WNK3: variants seen among roughly 807,000 people sequenced by gnomAD.
WNK3 encodes WNK lysine deficient protein kinase 3.
Under a neutral mutation model 116.7 loss-of-function variants are expected in WNK3, and 18 were observed. The ratio of observed to expected loss-of-function variants is 0.15; its 90% CI spans 0.11 to 0.23. The LOEUF (loss-of-function observed/expected upper bound fraction) is 0.23. WNK3 is among the 10% of genes least tolerant of loss of function. The probability of loss-of-function intolerance (pLI) is 1.00; values close to 1 mark genes in which losing one functional copy is unlikely to be tolerated. For synonymous variants in WNK3, 404 were observed against 469.4 expected (o/e 0.86, Z 1.80); for missense variants, 993 against 1,323.8 (o/e 0.75, Z 3.88).
chrX:54,340,899 T>C (rs1214316310), intron 1 of WNK3, among the ~76,000 whole-genome samples: 1 of 111,888 alleles, frequency 8.9e-6, no homozygotes, highest in African/African-American at 3.2e-5. Flanking sequence ...ACAGCTGCTT[T>C]GGAACACAGT....
chrX:54,356,814 G>C (rs782414509), intron 1 of WNK3, among the ~76,000 whole-genome samples: 4 of 111,035 alleles, frequency 3.6e-5, no homozygotes, highest in African/African-American at 1.3e-4. Context: ...TGAGGGTTCA[G>C]TCTCATTTTA....
At chrX:54,248,723 A>G in exon 17 of WNK3, 1 of 1,211,085 alleles carries the variant, frequency 8.3e-7, no homozygotes, top group Non-Finnish European at 1.1e-6. Flanking sequence ...CTGGGTACAG[A>G]AGTTATCACA....
At chrX:54,343,035 G>A (rs186040670) in intron 1 of WNK3, among the ~76,000 whole-genome samples, 3 of 110,261 alleles carry the variant, frequency 2.7e-5, no homozygotes, top group Admixed American at 1.9e-4. Context: ...TTTTTTTGTA[G>A]AGACAGGGTT....
exon 24 of WNK3, chrX:54,195,283 G>A (rs1399175569): frequency 1.8e-5 from 2 of 111,352 alleles, no homozygotes; most frequent in Non-Finnish European, 3.8e-5. Flanking sequence ...TTACAAGCAG[G>A]ATGGTTAAGT....
intron 10 of WNK3, among the ~76,000 whole-genome samples, chrX:54,279,662 T>C (rs2068492480): frequency 8.9e-6 from 1 of 112,158 alleles, no homozygotes; most frequent in African/African-American, 3.2e-5. Flanking sequence ...ATGTAAAAAC[T>C]GTGAAGAATT....
chrX:54,219,669 C>CAAAAAAA (rs34431672), intron 22 of WNK3, among the ~76,000 whole-genome samples: 1 of 15,189 alleles, frequency 6.6e-5, no homozygotes, highest in Non-Finnish European at 1.4e-4. Flanking sequence ...CTCCATCTCC[C>CAAAAAAA]AAAAAAAAAA....
At chrX:54,276,396 C>T (rs973910790) in intron 10 of WNK3, among the ~76,000 whole-genome samples, 4 of 111,032 alleles carry the variant, frequency 3.6e-5, no homozygotes, top group Admixed American at 1.9e-4. Flanking sequence ...ATACATATAT[C>T]TACAATTATA....
At chrX:54,239,193 G>T in intron 17 of WNK3, 94 bp from the exon 18 acceptor site, 1 of 550,014 alleles carries the variant, frequency 1.8e-6, no homozygotes, top group Non-Finnish European at 2.6e-6. Context: ...TTTAGGTAAG[G>T]TGAAGCTTTT....
chrX:54,333,067 C>A, intron 2 of WNK3, 70 bp downstream of exon 2: 1 of 764,958 alleles, frequency 1.3e-6, no homozygotes, highest in South Asian at 2.8e-5. Flanking sequence ...CATGGATAAT[C>A]ATGAATCACA....
At chrX:54,258,295 A>G (rs1346221939) in intron 11 of WNK3, among the ~76,000 whole-genome samples, 3 of 108,320 alleles carry the variant, frequency 2.8e-5, no homozygotes, top group Non-Finnish European at 5.7e-5. Context: ...AAAAAAAAAA[A>G]AAGAACAAGA....
intron 10 of WNK3, among the ~76,000 whole-genome samples, chrX:54,276,355 A>AC (rs1358876600): frequency 1.8e-5 from 2 of 110,959 alleles, no homozygotes; most frequent in African/African-American, 3.3e-5. Flanking sequence ...AAACAAACAA[A>AC]AAAAAACAAA....
chrX:54,353,701 C>T (rs1293631637), intron 1 of WNK3, among the ~76,000 whole-genome samples: 1 of 107,048 alleles, frequency 9.3e-6, no homozygotes, highest in African/African-American at 3.4e-5. Flanking sequence ...GAGCTGAGAT[C>T]GCACCATTGC....
exon 14 of WNK3, chrX:54,251,618 G>C: frequency 1.7e-6 from 2 of 1,210,711 alleles, no homozygotes; most frequent in Non-Finnish European, 2.2e-6. Context: ...TCCTGGGCTT[G>C]ACCTACAATA....
At chrX:54,236,844 A>C (rs2067966520) in intron 20 of WNK3, 94 bp downstream of exon 20, 1 of 998,509 alleles carries the variant, frequency 1.0e-6, no homozygotes, top group African/African-American at 1.9e-5. Context: ...CAATCATTAA[A>C]ATGTCACCAA....
chrX:54,298,767 C>CCA (rs1285847704), intron 6 of WNK3, among the ~76,000 whole-genome samples: 4 of 112,237 alleles, frequency 3.6e-5, no homozygotes, highest in Non-Finnish European at 7.5e-5. Context: ...TTTCCCTAAG[C>CCA]CACTGGCTTA....
Position 54,198,589 on chromosome X carries a change from G to C in WNK3, c.5138C>G (p.Ala1713Gly), listed in dbSNP as rs140063797. The stretch of plus-strand genomic sequence containing the variant: ...TCCTTGTGGCAAGGAAGTTGGGACA[G>C]CTCCACGGATTTGGGACAGAGAAGA... Residue 1713 changes from alanine (A) to glycine (G), a missense_variant, in exon 24 of 24, where the codon GCT (alanine) becomes GGT (glycine). Ala to Gly is a moderately conservative substitution (Grantham distance 60). Transcript: ENST00000354646. 5.0e-6 allele frequency: 6 copies of C among 1,207,926 alleles called. No individual in the cohort carries two copies. The African/African-American group carries it at 8.8e-5, about 18-fold the overall frequency.
intron 5 of WNK3, among the ~76,000 whole-genome samples, chrX:54,307,183 C>A (rs937463674): frequency 9.6e-5 from 10 of 104,408 alleles, no homozygotes; most frequent in Non-Finnish European, 2.0e-4. Flanking sequence ...GCCGAGATCC[C>A]GCCACTGCAC....
chrX:54,350,649 T>C (rs1557178413), intron 1 of WNK3, among the ~76,000 whole-genome samples: 1 of 111,678 alleles, frequency 9.0e-6, no homozygotes, highest in Non-Finnish European at 1.9e-5. Flanking sequence ...TCCAAGTATC[T>C]AGTGCATAAC....
At chrX:54,212,692 A>C (rs781820548) in intron 22 of WNK3, among the ~76,000 whole-genome samples, 1 of 112,338 alleles carries the variant, frequency 8.9e-6, no homozygotes, top group Non-Finnish European at 1.9e-5. Flanking sequence ...TTAAACAAGT[A>C]AATGGCTGGA....
Sources: allele counts gnomAD v4.1 joint callset (sites outside exome capture counted in the v4.1 genomes callset), GRCh38; gene constraint gnomAD v4.1.1; transcripts MANE v1.5; gene names NCBI Gene and HGNC (gene_info 2026-07-23, HGNC 2026-07-21).